Variants in SPMIP8 observed in about 807,000 individuals in gnomAD.
SPMIP8 encodes the protein testicular tissue protein Li 196.
the SPMIP8 span, chr16:57,977,742 T>C: frequency 6.6e-7 from 1 of 1,511,700 alleles, no homozygotes; most frequent in Non-Finnish European, 9.1e-7. Context: ...TGGCCAAGGT[T>C]GTTTTCATGC....
chr16:57,985,998 G>A, the SPMIP8 span: 3 of 1,550,156 alleles, frequency 1.9e-6, no homozygotes, highest in Admixed American at 6.1e-5. Context: ...CCGACTGCTG[G>A]GGACAGCCTC....
the SPMIP8 span, chr16:57,985,379 T>C: frequency 4.6e-4 from 738 of 1,599,302 alleles, 2 homozygotes; most frequent in Non-Finnish European, 4.7e-4. Context: ...GGCCTCCCAG[T>C]CTTCAGGACC....
the SPMIP8 span, chr16:57,977,896 T>A: frequency 4.6e-5 from 74 of 1,614,028 alleles, no homozygotes; most frequent in Non-Finnish European, 1.0e-5. Context: ...CTGCTTCCCA[T>A]GGAGCGGCAG....
At chr16:57,981,421 T>C in the SPMIP8 span, among the ~76,000 whole-genome samples, 1 of 141,216 alleles carries the variant, frequency 7.1e-6, no homozygotes, top group South Asian at 2.1e-4. Flanking sequence ...ATAATTATTA[T>C]TATTATTATT....
chr16:57,981,389 A>AATTATTATTATTAGTATTATT, the SPMIP8 span, among the ~76,000 whole-genome samples: 2 of 132,912 alleles, frequency 1.5e-5, no homozygotes, highest in Non-Finnish European at 3.2e-5. Flanking sequence ...CAATAATAAT[A>AATTATTATTATTAGTATTATT]ATAATTATTA....
chr16:57,985,730 AC>A, the SPMIP8 span, among the ~76,000 whole-genome samples: 1 of 152,184 alleles, frequency 6.6e-6, no homozygotes, highest in Non-Finnish European at 1.5e-5. Context: ...TAAACGGAGC[AC>A]CTTGCCCTCC....
chr16:57,985,519 G>C, the SPMIP8 span: 5 of 1,610,532 alleles, frequency 3.1e-6, no homozygotes, highest in African/African-American at 6.7e-5. Context: ...GACCGCTACG[G>C]ACAGAAGCCC....
the SPMIP8 span, among the ~76,000 whole-genome samples, chr16:57,981,959 G>A: frequency 6.6e-6 from 1 of 152,182 alleles, no homozygotes; most frequent in East Asian, 1.9e-4. Context: ...CAAGAGGGGG[G>A]TCCGCTCAGT....
the SPMIP8 span, among the ~76,000 whole-genome samples, chr16:57,983,021 C>T: frequency 1.2e-4 from 18 of 152,240 alleles, no homozygotes; most frequent in African/African-American, 4.1e-4. Context: ...CAGAGCGAGA[C>T]TCTGTCTCAA....
At chr16:57,978,353 A>G in the SPMIP8 span, among the ~76,000 whole-genome samples, 1 of 152,132 alleles carries the variant, frequency 6.6e-6, no homozygotes, top group Admixed American at 6.5e-5. Context: ...CAGCCTGGTC[A>G]ACATGGTGAA....
At chr16:57,985,126 T>C in the SPMIP8 span, 1 of 1,267,226 alleles carries the variant, frequency 7.9e-7, no homozygotes, top group Non-Finnish European at 1.0e-6. Context: ...GGCTGGATTG[T>C]GGGCGGGGCT....
At chr16:57,985,281 C>A in the SPMIP8 span, 6 of 1,551,280 alleles carry the variant, frequency 3.9e-6, no homozygotes, top group Admixed American at 1.2e-4. Flanking sequence ...GGGAGCGCTG[C>A]GCGCAGACCC....
At chr16:57,987,349 C>T in the SPMIP8 span, 6 of 1,489,700 alleles carry the variant, frequency 4.0e-6, no homozygotes, top group Non-Finnish European at 5.4e-6. Flanking sequence ...GATTTTTCCC[C>T]TAGGACACCC....
chr16:57,983,039 T>C, the SPMIP8 span, among the ~76,000 whole-genome samples: 5 of 151,988 alleles, frequency 3.3e-5, no homozygotes, highest in East Asian at 9.6e-4. Flanking sequence ...CAAAAAAAAA[T>C]TTTTTTTAAA....
chr16:57,985,193 T>C, the SPMIP8 span: 8 of 1,516,586 alleles, frequency 5.3e-6, no homozygotes, highest in Non-Finnish European at 7.0e-6. Flanking sequence ...CGAGAGGGGC[T>C]TTCTGTTCGC....
chr16:57,983,016 C>T, the SPMIP8 span, among the ~76,000 whole-genome samples: 6 of 152,010 alleles, frequency 3.9e-5, no homozygotes, highest in African/African-American at 4.8e-5. Context: ...GGCGACAGAG[C>T]GAGACTCTGT....
At chr16:57,981,431 T>TTATTATTATTATAATA in the SPMIP8 span, among the ~76,000 whole-genome samples, 4 of 133,132 alleles carry the variant, frequency 3.0e-5, no homozygotes, top group African/African-American at 1.1e-4. Flanking sequence ...TTATTATTAT[T>TTATTATTATTATAATA]ATAATTTGGT....
At chr16:57,979,215 G>C in the SPMIP8 span, among the ~76,000 whole-genome samples, 772 of 152,308 alleles carry the variant, frequency 5.1e-3, 4 homozygotes, top group Non-Finnish European at 7.4e-3. Context: ...AGGCCAAACA[G>C]GGGGAGTGCA....
chr16:57,985,040 G>A, the SPMIP8 span: 2 of 1,089,624 alleles, frequency 1.8e-6, no homozygotes, highest in Non-Finnish European at 2.5e-6. Context: ...TTCGGGCCGG[G>A]GGCTTTGCCC....
Sources: gnomAD v4.1 joint callset for allele counts (sites outside exome capture counted in the v4.1 genomes callset) on GRCh38, gnomAD v4.1.1 for gene constraint, MANE v1.5 for transcripts, NCBI Gene and HGNC (gene_info 2026-07-23, HGNC 2026-07-21) for gene names.